MRPS5: variants seen among roughly 807,000 people sequenced by gnomAD.
MRPS5 encodes the protein small ribosomal subunit protein uS5m.
In MRPS5, 27 loss-of-function variants were observed where a neutral mutation model predicts 51.9. That is an observed-to-expected ratio of 0.52 (90% CI 0.38 to 0.72). MRPS5 has a LOEUF of 0.72. MRPS5 is among the 30% of genes least tolerant of loss of function. The pLI, the probability that MRPS5 is intolerant of heterozygous loss-of-function variation, is 0.00. For synonymous variants in MRPS5, 196 were observed against 193.2 expected, an observed-to-expected ratio of 1.01 and a Z score of -0.12; for missense variants, 570 against 545.7, an observed-to-expected ratio of 1.04 and a Z score of -0.44.
intron 10 of MRPS5, among the ~76,000 whole-genome samples, chr2:95,096,157 GACCA>G (rs1465407549): frequency 6.6e-6 from 1 of 152,136 alleles, no homozygotes; most frequent in Admixed American, 6.6e-5. Flanking sequence ...TCGCTGAATA[GACCA>G]ACAACAGGCT....
rs1001587004 is a variant in MRPS5, at chr2:95,087,325, G to A, written c.*32C>T. 11 of 1,580,476 alleles carry A rather than the reference G, an allele frequency of 7.0e-6. No homozygotes were observed. The highest frequency in any genetic ancestry group is 9.6e-6 in the Non-Finnish European group (11 of 1,150,132). ...CTGAGTCTCTCCTAGGTGCAGGGCA[G>A]CACAGGAACTGGCTGCACAAGGCCA... On this transcript the variant is annotated 3_prime_UTR_variant, in exon 12 of 12. Coordinates refer to ENST00000272418, the MANE Select transcript of MRPS5 (RefSeq NM_031902.5).
chr2:95,090,474 A>G lies in MRPS5; in HGVS notation c.980T>C (p.Ile327Thr), dbSNP rs200957374. The G allele has an allele frequency of 3.4e-5, 55 of 1,614,040 alleles. No individual in the cohort carries two copies. Among genetic ancestry groups the G allele is most frequent in the South Asian group, 1.1e-4 (10 of 91,086 alleles). ...HRAIITICRL[I>T]GIKDMYAKVS... is the part of the protein sequence containing the mutation. ...CTTGGCATACATGTCTTTGATGCCA[A>G]TGAGCCGGCAGATGGTGATGATGGC... The change falls in exon 11 of 12, where the codon ATT becomes ACT. Residue 327 changes from isoleucine to threonine, a missense_variant. Ile to Thr is a moderately conservative substitution (Grantham distance 89). Transcript: ENST00000272418.
chr2:95,113,028 A>G (rs2104424292), intron 3 of MRPS5, among the ~76,000 whole-genome samples: 1 of 151,542 alleles, frequency 6.6e-6, no homozygotes, highest in East Asian at 2.0e-4. Flanking sequence ...AAAAAAAAAA[A>G]GTACTGCTTC....
Position 95,115,179 on chromosome 2 carries a change from C to CT in MRPS5, c.163dup (p.Arg55LysfsTer31). On this transcript the variant is annotated frameshift_variant, in exon 3 of 12. Coordinates refer to ENST00000272418, the MANE Select transcript of MRPS5 (RefSeq NM_031902.5). LOFTEE classifies it high-confidence loss of function. ...CAAGCTGGCGTAGGGATGGGTGTCT[C>CT]TGGTTCCCAGTGATGACAAATGGCC... The CT allele has an allele frequency of 6.2e-7, 1 of 1,605,138 alleles. No individual in the cohort carries two copies. The highest frequency in any genetic ancestry group is 1.1e-5 in the South Asian group (1 of 88,998).
At chr2:95,095,573 A>G (rs1199341388) in intron 10 of MRPS5, among the ~76,000 whole-genome samples, 1 of 152,222 alleles carries the variant, frequency 6.6e-6, no homozygotes, top group Non-Finnish European at 1.5e-5. Flanking sequence ...GCTCAACTAC[A>G]TGGAAACTGA....
intron 7 of MRPS5, among the ~76,000 whole-genome samples, chr2:95,103,233 T>C (rs886251831): frequency 6.6e-6 from 1 of 152,164 alleles, no homozygotes; most frequent in Non-Finnish European, 1.5e-5. Context: ...TGTCCTTAAC[T>C]TACAAAGAGC....
intron 3 of MRPS5, among the ~76,000 whole-genome samples, chr2:95,114,443 T>C (rs968446114): frequency 2.6e-5 from 4 of 152,058 alleles, no homozygotes; most frequent in African/African-American, 4.8e-5. Flanking sequence ...AATTTTGTTT[T>C]TGTATTTTTA....
At position 95,087,553 on chromosome 2, in the gene MRPS5, T is replaced by C. The variant is rs1221574624; in HGVS notation, c.1097A>G (p.Lys366Arg). Residue 366 changes from lysine (K) to arginine (R), a missense_variant, in exon 12 of 12, where the codon AAG (lysine) becomes AGG (arginine). Lys to Arg is a conservative substitution (Grantham distance 26). Coordinates refer to ENST00000272418, the MANE Select transcript of MRPS5 (RefSeq NM_031902.5). Reference sequence around the variant, plus strand: ...CCGGATTTCCACAACATGGAGGCCCTTCTTATCAGCCAGCTGTTGATGGGT... The same window carrying C: ...CCGGATTTCCACAACATGGAGGCCCCTCTTATCAGCCAGCTGTTGATGGGT... Reference protein sequence around the residue: ...QETHQQLADKKGLHVVEIREE... With the variant: ...QETHQQLADKRGLHVVEIREE... 1 of 1,613,892 alleles carries C rather than the reference T, an allele frequency of 6.2e-7. No individual in the cohort carries two copies. The highest frequency in any genetic ancestry group is 2.2e-5 in the East Asian group (1 of 44,870).
chr2:95,087,270 A>C lies in MRPS5; in HGVS notation c.*87T>G. 1.0e-6 allele frequency: 1 copy of C among 975,616 alleles called. No homozygotes were observed. The highest frequency in any genetic ancestry group is 1.6e-5 in the African/African-American group (1 of 61,320). The allele number at this position is 975,616 out of a possible 1,614,324, so 60.4% of individuals were successfully genotyped here. A position where few individuals can be genotyped will look rare whatever the true frequency, so the allele number is the denominator to read the frequency against. ...TTAAACTTCCCTCAAAACAAACAAA[A>C]GGCAAGGTAACATCCCAAGCTGTGA... On this transcript the variant is annotated 3_prime_UTR_variant, in exon 12 of 12. Transcript: ENST00000272418.
At chr2:95,119,226 A>G in intron 1 of MRPS5, among the ~76,000 whole-genome samples, 1 of 152,198 alleles carries the variant, frequency 6.6e-6, no homozygotes, top group Middle Eastern at 3.2e-3. Context: ...AACAAAAGAA[A>G]ACATATACAA....
At chr2:95,105,547 A>T (rs1168609348) in intron 6 of MRPS5, among the ~76,000 whole-genome samples, 4 of 150,394 alleles carry the variant, frequency 2.7e-5, no homozygotes, top group Non-Finnish European at 5.9e-5. Context: ...CCACCTCAGA[A>T]AAAAAAAAAA....
At chr2:95,113,787 G>A (rs373203799) in intron 3 of MRPS5, among the ~76,000 whole-genome samples, 43 of 151,866 alleles carry the variant, frequency 2.8e-4, no homozygotes, top group African/African-American at 8.7e-4. Context: ...TCATAACGTC[G>A]CACTGCAGAA....
At chr2:95,091,930 C>G (rs1675478444) in intron 10 of MRPS5, 2 of 152,226 alleles carry the variant, frequency 1.3e-5, no homozygotes. Context: ...GAGAGAGGTA[C>G]ACGTGGAAGG....
At chr2:95,096,051 A>G (rs1675616289) in intron 10 of MRPS5, among the ~76,000 whole-genome samples, 1 of 152,228 alleles carries the variant, frequency 6.6e-6, no homozygotes, top group Non-Finnish European at 1.5e-5. Flanking sequence ...AGAATACTAT[A>G]AACACCTCTA....
intron 8 of MRPS5, among the ~76,000 whole-genome samples, chr2:95,101,383 T>G (rs1047800323): frequency 1.5e-5 from 2 of 132,834 alleles, no homozygotes; most frequent in Non-Finnish European, 3.2e-5. Context: ...AGACAACGTC[T>G]CAAAAAAAAA....
chr2:95,115,122 G>A lies in MRPS5; in HGVS notation c.221C>T (p.Ser74Phe). Residue 74 changes from serine (S) to phenylalanine (F), a missense_variant, in exon 3 of 12, where the codon TCT becomes TTT. Physicochemically the swap from Ser to Phe is radical, Grantham distance 155. Transcript: ENST00000272418. ...CTGGCTCATCAGGTGACTGGGAGAA[G>A]AAATACAGCATTGTGTCTGCAGTGC... ...SRALQTQCCI[S>F]SPSHLMSQQY... 6.2e-7 allele frequency: 1 copy of A among 1,612,586 alleles called. No individual in the cohort carries two copies. The highest frequency in any genetic ancestry group is 8.5e-7 in the Non-Finnish European group (1 of 1,179,664).
At chr2:95,089,979 C>T (rs1355060602) in intron 11 of MRPS5, among the ~76,000 whole-genome samples, 2 of 151,582 alleles carry the variant, frequency 1.3e-5, no homozygotes, top group Non-Finnish European at 2.9e-5. Flanking sequence ...AGATCGAGAC[C>T]ATCCCGGCTA....
chr2:95,092,473 C>T (rs1272669369), intron 10 of MRPS5: 2 of 152,180 alleles, frequency 1.3e-5, no homozygotes, highest in African/African-American at 4.8e-5. Flanking sequence ...CTATCTCCTA[C>T]AGAACTAGTA....
At chr2:95,118,659 T>C (rs1558688713) in intron 1 of MRPS5, among the ~76,000 whole-genome samples, 1 of 152,236 alleles carries the variant, frequency 6.6e-6, no homozygotes, top group East Asian at 1.9e-4. Flanking sequence ...GTGTACCCTC[T>C]CACACAGTGT....
Sources: allele counts gnomAD v4.1 joint callset (sites outside exome capture counted in the v4.1 genomes callset), GRCh38; gene constraint gnomAD v4.1.1; transcripts MANE v1.5; gene names NCBI Gene and HGNC (gene_info 2026-07-23, HGNC 2026-07-21).